SLMAP: variants seen among roughly 807,000 people sequenced by gnomAD.
SLMAP encodes the protein sarcolemma associated protein, also known as sarcolemmal membrane-associated protein.
In SLMAP, 44 loss-of-function variants were observed where a neutral mutation model predicts 128.8. That is an observed-to-expected ratio of 0.34 (90% CI 0.27 to 0.44). The LOEUF is 0.44. Among genes scored for constraint, SLMAP ranks in the 20% least tolerant of loss-of-function variants. The pLI is 1.00. For synonymous variants in SLMAP, 327 were observed against 348.8 expected (o/e 0.94, Z 0.70); for missense variants, 787 against 985.3 (o/e 0.80, Z 2.69).
At chr3:57,906,310 C>CTTTTCTTTTTTTTTTTTTTTTTTT (rs2096548548) in intron 17 of SLMAP, among the ~76,000 whole-genome samples, 1 of 47,048 alleles carries the variant, frequency 2.1e-5, no homozygotes, top group Non-Finnish European at 4.2e-5. Context: ...CTTTTTTTTT[C>CTTTTCTTTTTTTTTTTTTTTTTTT]TTTTTTTTTT....
At chr3:57,766,407 A>G (rs1287161513) in intron 2 of SLMAP, among the ~76,000 whole-genome samples, 1 of 151,932 alleles carries the variant, frequency 6.6e-6, no homozygotes, top group Admixed American at 6.6e-5. Flanking sequence ...TTAGAGTTTT[A>G]AGTGAAAAGA....
chr3:57,878,707 C>T (rs543190615), intron 14 of SLMAP, among the ~76,000 whole-genome samples: 26 of 152,258 alleles, frequency 1.7e-4, no homozygotes, highest in African/African-American at 6.3e-4. Context: ...AGTTAGCAGG[C>T]AGAAAACATG....
chr3:57,821,509 A>T (rs1189977229), intron 2 of SLMAP, among the ~76,000 whole-genome samples: 1 of 152,202 alleles, frequency 6.6e-6, no homozygotes, highest in Non-Finnish European at 1.5e-5. Flanking sequence ...AGCCTCAGAA[A>T]TGTGTGATGC....
At chr3:57,876,711 A>G (rs2095612056) in intron 14 of SLMAP, among the ~76,000 whole-genome samples, 1 of 152,368 alleles carries the variant, frequency 6.6e-6, no homozygotes, top group Non-Finnish European at 1.5e-5. Context: ...GAAATAATGT[A>G]TCTCTAAATC....
At chr3:57,904,113 C>T (rs900646347) in intron 17 of SLMAP, among the ~76,000 whole-genome samples, 3 of 149,136 alleles carry the variant, frequency 2.0e-5, no homozygotes, top group Non-Finnish European at 2.9e-5. Flanking sequence ...ACTAACTATT[C>T]GATTTGTTTG....
intron 2 of SLMAP, among the ~76,000 whole-genome samples, chr3:57,773,226 G>A (rs1171340318): frequency 6.6e-6 from 1 of 152,130 alleles, no homozygotes; most frequent in African/African-American, 2.4e-5. Context: ...ACCACCAGAT[G>A]GTTTAGATTA....
intron 14 of SLMAP, among the ~76,000 whole-genome samples, chr3:57,885,730 G>T (rs1201707549): frequency 5.2e-5 from 6 of 115,026 alleles, no homozygotes; most frequent in Non-Finnish European, 1.1e-4. Context: ...TCTTGTTTTT[G>T]TTGTTGTTGT....
intron 13 of SLMAP, among the ~76,000 whole-genome samples, chr3:57,869,630 T>TTATATATA (rs55916379): frequency 0.064 from 4,793 of 75,130 alleles, 217 homozygotes; most frequent in Middle Eastern, 0.11. Context: ...CCCATCTCTA[T>TTATATATA]TATATATATA....
intron 14 of SLMAP, among the ~76,000 whole-genome samples, chr3:57,885,422 T>G (rs1334272780): frequency 1.7e-5 from 1 of 58,702 alleles, no homozygotes; most frequent in Non-Finnish European, 4.4e-5. Context: ...GTTGTTTTTG[T>G]GTTTTTTTTT....
chr3:57,841,579 G>T (rs902544164), intron 4 of SLMAP, among the ~76,000 whole-genome samples: 6 of 152,234 alleles, frequency 3.9e-5, no homozygotes, highest in African/African-American at 1.4e-4. Context: ...AAATAATAAT[G>T]TATCAAAGGC....
chr3:57,905,116 A>G (rs1458543170), intron 17 of SLMAP, among the ~76,000 whole-genome samples: 2 of 152,124 alleles, frequency 1.3e-5, no homozygotes, highest in African/African-American at 4.8e-5. Flanking sequence ...CCTCATGGCT[A>G]CTGGTGTATA....
rs1487357467 is a variant in SLMAP, at chr3:57,757,113, A to C, written c.-539A>C. 5.8e-6 allele frequency: 1 copy of C among 171,838 alleles called. No individual in the cohort carries two copies. The highest frequency in any genetic ancestry group is 1.7e-4 in the East Asian group (1 of 5,996). 10.6% of individuals were successfully genotyped at this position (171,838 alleles called of 1,614,324 possible). Reference sequence around the variant, plus strand: ...CGTCTCCGTCACCTCTCGCCCCTTCACTCCGGGCGAGGACTGGCGGTGGCT... The same window carrying C: ...CGTCTCCGTCACCTCTCGCCCCTTCCCTCCGGGCGAGGACTGGCGGTGGCT... On this transcript the variant is annotated 5_prime_UTR_variant, in exon 2 of 25. Transcript: ENST00000671191.
chr3:57,858,164 G>A lies in SLMAP; in HGVS notation c.687+5G>A. ...CAATTACAGGCATGCTCCAAAGTAG[G>A]TATTAACCTCAAATGTGTAAAATGA... On this transcript the variant is annotated splice_donor_5th_base_variant and intron_variant, in intron 8 of 24. Transcript: ENST00000671191. 1 of 1,532,980 alleles carries A rather than the reference G, an allele frequency of 6.5e-7. No individual in the cohort carries two copies. Among genetic ancestry groups the A allele is most frequent in the Non-Finnish European group, 9.0e-7 (1 of 1,106,720 alleles). 95.0% of individuals were successfully genotyped at this position (1,532,980 alleles called of 1,614,324 possible).
intron 4 of SLMAP, among the ~76,000 whole-genome samples, chr3:57,844,402 A>G (rs1263004751): frequency 3.3e-5 from 5 of 152,014 alleles, no homozygotes; most frequent in Admixed American, 2.0e-4. Flanking sequence ...TCCACAAAAA[A>G]AAATTTTAAA....
At chr3:57,779,805 A>G (rs550625713) in intron 2 of SLMAP, among the ~76,000 whole-genome samples, 1 of 152,166 alleles carries the variant, frequency 6.6e-6, no homozygotes, top group East Asian at 1.9e-4. Flanking sequence ...TTATACCACT[A>G]ATAAGTGGTA....
At chr3:57,877,394 A>G (rs2095627894) in intron 14 of SLMAP, among the ~76,000 whole-genome samples, 1 of 152,160 alleles carries the variant, frequency 6.6e-6, no homozygotes, top group Non-Finnish European at 1.5e-5. Context: ...CTGATTACGT[A>G]TTCTACTCAA....
At chr3:57,759,985 G>A (rs931222667) in intron 2 of SLMAP, among the ~76,000 whole-genome samples, 1 of 152,140 alleles carries the variant, frequency 6.6e-6, no homozygotes, top group Non-Finnish European at 1.5e-5. Context: ...CTGTGGCCAG[G>A]CTAGAGTGCA....
intron 15 of SLMAP, among the ~76,000 whole-genome samples, chr3:57,895,997 A>G (rs943422816): frequency 6.6e-6 from 1 of 151,952 alleles, no homozygotes; most frequent in African/African-American, 2.4e-5. Flanking sequence ...TTATCTTTAG[A>G]AATAAAAGGC....
At chr3:57,847,906 G>A (rs1336533547) in intron 5 of SLMAP, among the ~76,000 whole-genome samples, 1 of 152,108 alleles carries the variant, frequency 6.6e-6, no homozygotes, top group Non-Finnish European at 1.5e-5. Context: ...GAAGTTCTCT[G>A]TTAGACTCCT....
Sources: gnomAD v4.1 joint callset for allele counts (sites outside exome capture counted in the v4.1 genomes callset) on GRCh38, gnomAD v4.1.1 for gene constraint, MANE v1.5 for transcripts, NCBI Gene and HGNC (gene_info 2026-07-23, HGNC 2026-07-21) for gene names.